The following KCNJ13 variants were observed in gnomAD, a reference collection of about 807,000 sequenced individuals.
KCNJ13 encodes potassium inwardly rectifying channel subfamily J member 13.
KCNJ13 carries 9 observed loss-of-function variants against 24.6 expected under a neutral mutation model. That is an observed-to-expected ratio of 0.37 (90% confidence interval 0.22 to 0.64). KCNJ13 has a LOEUF of 0.64. KCNJ13 is among the 30% of genes least tolerant of loss of function. KCNJ13 has a pLI of 0.64. For synonymous variants in KCNJ13, 148 were observed against 154.7 expected, an observed-to-expected ratio of 0.96 and a Z score of 0.32; for missense variants, 337 against 443.8, an observed-to-expected ratio of 0.76 and a Z score of 2.16.
intron 1 of KCNJ13, among the ~76,000 whole-genome samples, chr2:232,774,097 C>T (rs1425923834): frequency 2.7e-5 from 4 of 148,878 alleles, no homozygotes. Flanking sequence ...ATCTGGCCAA[C>T]ATAGCGAGAC....
intron 1 of KCNJ13, among the ~76,000 whole-genome samples, chr2:232,775,333 CAAAG>C (rs1280359518): frequency 2.0e-5 from 3 of 147,202 alleles, no homozygotes; most frequent in African/African-American, 4.9e-5. Context: ...TAGATTAAAA[CAAAG>C]AAAGTGAAAA....
At chr2:232,769,505 CAAAAAAAA>C (rs34912964) in intron 2 of KCNJ13, among the ~76,000 whole-genome samples, 3,083 of 66,540 alleles carry the variant, frequency 0.046, 126 homozygotes, top group African/African-American at 0.14. Context: ...GACTCCATCT[CAAAAAAAA>C]AAAAAAAAAA....
chr2:232,770,752 C>G, intron 2 of KCNJ13, 151 bp downstream of exon 2: 1 of 645,108 alleles, frequency 1.6e-6, no homozygotes, highest in Non-Finnish European at 2.6e-6. Flanking sequence ...TAAACTGTTT[C>G]TTTTCTATCT....
At chr2:232,773,135 CTTA>C (rs1699337774) in intron 1 of KCNJ13, among the ~76,000 whole-genome samples, 2 of 152,038 alleles carry the variant, frequency 1.3e-5, no homozygotes, top group African/African-American at 4.8e-5. Context: ...TGTTTTATAA[CTTA>C]TTACCCTAAC....
intron 1 of KCNJ13, among the ~76,000 whole-genome samples, chr2:232,776,131 A>G (rs1444827488): frequency 2.0e-5 from 3 of 152,098 alleles, no homozygotes; most frequent in South Asian, 4.1e-4. Flanking sequence ...AAAGAAAAAG[A>G]CTTTTTTTTT....
intron 1 of KCNJ13, 177 bp downstream of exon 1, chr2:232,776,268 T>C (rs530966337): frequency 1.0e-5 from 5 of 495,544 alleles, no homozygotes; most frequent in South Asian, 4.3e-5. Context: ...ATGGCTGTTA[T>C]TGCATTTTTA....
chr2:232,775,644 T>C (rs1470994602), intron 1 of KCNJ13, among the ~76,000 whole-genome samples: 1 of 152,158 alleles, frequency 6.6e-6, no homozygotes, highest in Non-Finnish European at 1.5e-5. Context: ...ATAGTACCTA[T>C]TAAAAAATGA....
chr2:232,769,177 T>C (rs1382158497), intron 2 of KCNJ13, among the ~76,000 whole-genome samples: 1 of 152,172 alleles, frequency 6.6e-6, no homozygotes, highest in Non-Finnish European at 1.5e-5. Flanking sequence ...CCAGATTACG[T>C]TGAAGTAGAG....
At position 232,771,335 on chromosome 2, in the gene KCNJ13, C is replaced by A; in HGVS notation, c.28G>T (p.Ala10Ser). MDSSNCKVI[A>S]PLLSQRYRRM... Reference sequence around the variant, plus strand: ...CGGTATCTTTGACTTAGGAGAGGAGCAATAACTTTGCAATTACTGCTGTCC... The same window carrying A: ...CGGTATCTTTGACTTAGGAGAGGAGAAATAACTTTGCAATTACTGCTGTCC... Residue 10 changes from alanine to serine, a missense_variant, in exon 2 of 3, where the codon GCT becomes TCT. Coordinates refer to ENST00000233826, the MANE Select transcript of KCNJ13 (RefSeq NM_002242.4). 1 of 1,612,718 alleles carries A rather than the reference C, an allele frequency of 6.2e-7. No homozygotes were observed. Among genetic ancestry groups the A allele is most frequent in the Non-Finnish European group, 8.5e-7 (1 of 1,179,360 alleles).
chr2:232,771,450 G>A, intron 1 of KCNJ13, 72 bp from the exon 2 acceptor site: 2 of 976,744 alleles, frequency 2.0e-6, no homozygotes, highest in Non-Finnish European at 3.0e-6. Flanking sequence ...GAGAGCTCAT[G>A]GACTTTCTGC....
chr2:232,769,619 A>C (rs559765433), intron 2 of KCNJ13, among the ~76,000 whole-genome samples: 1 of 152,082 alleles, frequency 6.6e-6, no homozygotes, highest in East Asian at 1.9e-4. Flanking sequence ...ACTGACTATC[A>C]GGTAATTTCA....
In KCNJ13 at chr2:232,770,913, A is replaced by G; in HGVS notation, c.450T>C (p.Ala150=). 6.2e-7 allele frequency: 1 copy of G among 1,611,096 alleles called. No homozygotes were observed. Among genetic ancestry groups the G allele is most frequent in the South Asian group, 1.1e-5 (1 of 90,998 alleles). Residue 150 remains alanine, a synonymous_variant, in exon 2 of 3, where the codon GCT becomes GCC. Coordinates refer to ENST00000233826, the MANE Select transcript of KCNJ13 (RefSeq NM_002242.4). The part of the protein sequence containing the change: ...IQMLLGLMLE[A]FITGAFVAKI... ...CAAAGACAAAATTACCTGTGATAAAAGCCTCTAGCATGAGGCCTAGGAGCA... is the reference window on the plus strand; with the variant it reads ...CAAAGACAAAATTACCTGTGATAAAGGCCTCTAGCATGAGGCCTAGGAGCA...
chr2:232,773,007 A>G (rs1399946306), intron 1 of KCNJ13, among the ~76,000 whole-genome samples: 1 of 151,344 alleles, frequency 6.6e-6, no homozygotes, highest in East Asian at 1.9e-4. Flanking sequence ...TTTTTTTTGT[A>G]TTTTCTTCAG....
chr2:232,774,086 G>A (rs1052157251), intron 1 of KCNJ13, among the ~76,000 whole-genome samples: 2 of 150,800 alleles, frequency 1.3e-5, no homozygotes, highest in Non-Finnish European at 3.0e-5. Flanking sequence ...ATTCAAGACC[G>A]ATCTGGCCAA....
intron 1 of KCNJ13, 33 bp from the exon 2 acceptor site, chr2:232,771,411 CTGTTT>C: frequency 1.5e-6 from 2 of 1,374,188 alleles, no homozygotes; most frequent in Non-Finnish European, 2.1e-6. Context: ...AAGCTCTTAA[CTGTTT>C]TATAGTTAAT....
At chr2:232,772,016 G>T (rs1699278462) in intron 1 of KCNJ13, among the ~76,000 whole-genome samples, 2 of 152,136 alleles carry the variant, frequency 1.3e-5, no homozygotes, top group Admixed American at 6.5e-5. Context: ...ACAGGGTCTT[G>T]CTCTGTCTCC....
chr2:232,772,084 A>G (rs1172419229), intron 1 of KCNJ13, among the ~76,000 whole-genome samples: 1 of 152,104 alleles, frequency 6.6e-6, no homozygotes, highest in Non-Finnish European at 1.5e-5. Flanking sequence ...AATTTTTAGA[A>G]TTTTAATTTT....
Position 232,767,881 on chromosome 2 carries a change from TCA to T in KCNJ13, c.*308_*309del, listed in dbSNP as rs764819404. 6 of 345,088 alleles carry T rather than the reference TCA, an allele frequency of 1.7e-5. No individual in the cohort carries two copies. The highest frequency in any genetic ancestry group is 2.7e-5 in the Non-Finnish European group (5 of 184,076). 21.4% of individuals were successfully genotyped at this position (345,088 alleles called of 1,614,324 possible). ...TCTTAGAGTTCAGTTGTGTTAAACT[TCA>T]CTGTCCATTTTGCCTTCATTACTAG... On this transcript the variant is annotated 3_prime_UTR_variant, in exon 3 of 3. Coordinates refer to ENST00000233826, the MANE Select transcript of KCNJ13 (RefSeq NM_002242.4).
chr2:232,770,782 A>G (rs891055056), intron 2 of KCNJ13, 121 bp downstream of exon 2: 11 of 714,954 alleles, frequency 1.5e-5, no homozygotes, highest in African/African-American at 8.9e-5. Context: ...CCTGCTATCA[A>G]TATAGATAAA....
Sources: gnomAD v4.1 joint callset for allele counts (sites outside exome capture counted in the v4.1 genomes callset) on GRCh38, gnomAD v4.1.1 for gene constraint, MANE v1.5 for transcripts, NCBI Gene and HGNC (gene_info 2026-07-23, HGNC 2026-07-21) for gene names.